The following INKA2 variants were observed in gnomAD, a reference collection of about 807,000 sequenced individuals.
The protein encoded by INKA2 is PAK4-inhibitor INKA2.
In INKA2, 3 loss-of-function variants were observed where a neutral mutation model predicts 9.8. The ratio of observed to expected loss-of-function variants is 0.31; its 90% CI spans 0.14 to 0.79. The LOEUF (loss-of-function observed/expected upper bound fraction) is 0.79. Among genes scored for constraint, INKA2 ranks in the 30% least tolerant of loss-of-function variants. The pLI is 0.62. For missense variants in INKA2, 392 were observed against 384.4 expected (o/e 1.02, Z -0.17); for synonymous variants, 147 against 143.3 (o/e 1.03, Z -0.18).
chr1:111,728,038 T>TACACACAC lies in INKA2; in HGVS notation c.58-242_58-235dup, dbSNP rs60867844. Reference sequence around the variant, plus strand: ...GTCCTGAGAAGGCTCCCCCACCCCATACACACACACACACACACACACACA... The same window carrying TACACACAC: ...GTCCTGAGAAGGCTCCCCCACCCCATACACACACACACACACACACACACACACACACA... On this transcript the variant is annotated intron_variant, in intron 1 of 1. Coordinates refer to ENST00000357260, the MANE Select transcript of INKA2 (RefSeq NM_019099.5). 6.5e-3 allele frequency among the ~76,000 whole-genome samples: 716 copies of TACACACAC among 109,496 alleles called. 7 individuals are homozygous for TACACACAC. Among genetic ancestry groups the TACACACAC allele is most frequent in the African/African-American group, 0.018 (577 of 31,452 alleles). 71.8% of individuals were successfully genotyped at this position (109,496 alleles called of 152,430 possible). A position where few individuals can be genotyped will look rare whatever the true frequency, so the allele number is the denominator to read the frequency against.
At position 111,731,346 on chromosome 1, in the gene INKA2, T is replaced by C. The variant is rs72692507; in HGVS notation, c.58-3542A>G. Among the ~76,000 whole-genome samples the C allele has an allele frequency of 4.9e-3, 750 of 152,274 alleles. 3 individuals are homozygous for C. Among genetic ancestry groups the C allele is most frequent in the South Asian group, 0.019 (90 of 4,822 alleles). Reference sequence around the variant, plus strand: ...AAGTTATTTACATTCTGTTTTTCAATTTCTCCATGCTTTTTTTTTTTTGAG... The same window carrying C: ...AAGTTATTTACATTCTGTTTTTCAACTTCTCCATGCTTTTTTTTTTTTGAG... On this transcript the variant is annotated intron_variant, in intron 1 of 1. Transcript: ENST00000357260.
intron 1 of INKA2, among the ~76,000 whole-genome samples, chr1:111,738,118 T>C (rs1476498903): frequency 6.6e-6 from 1 of 151,666 alleles, no homozygotes; most frequent in East Asian, 1.9e-4. Flanking sequence ...AGCAGAAAAG[T>C]GAGACTGAGA....
exon 1 of INKA2, chr1:111,755,753 T>A: frequency 2.5e-6 from 4 of 1,613,828 alleles, no homozygotes; most frequent in Non-Finnish European, 3.4e-6. Context: ...CAGGCCACAT[T>A]TTTTGTGTGT....
intron 1 of INKA2, among the ~76,000 whole-genome samples, chr1:111,731,966 CT>C (rs1662915207): frequency 6.6e-6 from 1 of 152,238 alleles, no homozygotes; most frequent in African/African-American, 2.4e-5. Flanking sequence ...TCTTGGCACC[CT>C]CCTGCCCACT....
chr1:111,723,287 A>T lies in INKA2; in HGVS notation c.*3681T>A, dbSNP rs1249092025. ...GATGGGGATGTGGAGAGGACAGAGC[A>T]ACCTTCTTTGGGGCAAGTTTGGGTT... is the stretch of plus-strand genomic sequence containing the variant. On this transcript the variant is annotated 3_prime_UTR_variant, in exon 2 of 2. Transcript: ENST00000357260. 8 of 530,224 alleles carry T rather than the reference A, an allele frequency of 1.5e-5. No homozygotes were observed. The South Asian group carries it at 2.0e-4, about 13-fold the overall frequency. 32.8% of individuals were successfully genotyped at this position (530,224 alleles called of 1,614,324 possible).
At chr1:111,729,482 C>T (rs1478776749) in intron 1 of INKA2, among the ~76,000 whole-genome samples, 1 of 152,178 alleles carries the variant, frequency 6.6e-6, no homozygotes, top group African/African-American at 2.4e-5. Context: ...GAGAGATTGA[C>T]TTGGGTGAGG....
Position 111,723,016 on chromosome 1 carries a change from A to G in INKA2, c.*3952T>C. 3 of 699,506 alleles carry G rather than the reference A, an allele frequency of 4.3e-6. No homozygotes were observed. Among genetic ancestry groups the G allele is most frequent in the South Asian group, 3.0e-5 (2 of 67,268 alleles). The allele number at this position is 699,506 out of a possible 1,614,324, so 43.3% of individuals were successfully genotyped here. On this transcript the variant is annotated 3_prime_UTR_variant, in exon 2 of 2. Coordinates refer to ENST00000357260, the MANE Select transcript of INKA2 (RefSeq NM_019099.5). Reference sequence around the variant, plus strand: ...ACAAGGTTCAGAGAGATCAAGCAACATGCTCAAGCTTCCACAGTGACAGAG... The same window carrying G: ...ACAAGGTTCAGAGAGATCAAGCAACGTGCTCAAGCTTCCACAGTGACAGAG...
At position 111,726,724 on chromosome 1, in the gene INKA2, C is replaced by T. The variant is rs1662778869; in HGVS notation, c.*244G>A. ...AGACACACACATGCACACACACACA[C>T]ACACACGCACAGCTCACTCTCCAGC... On this transcript the variant is annotated 3_prime_UTR_variant, in exon 2 of 2. Coordinates refer to ENST00000357260, the MANE Select transcript of INKA2 (RefSeq NM_019099.5). The T allele has an allele frequency of 3.6e-6, 2 of 560,124 alleles. No homozygotes were observed. The highest frequency in any genetic ancestry group is 6.4e-6 in the Non-Finnish European group (2 of 313,518). The allele number at this position is 560,124 out of a possible 1,614,324, so 34.7% of individuals were successfully genotyped here. A position where few individuals can be genotyped will look rare whatever the true frequency, so the allele number is the denominator to read the frequency against.
chr1:111,742,324 T>C (rs886749032), upstream of INKA2, among the ~76,000 whole-genome samples: 1 of 152,094 alleles, frequency 6.6e-6, no homozygotes, highest in African/African-American at 2.4e-5. Context: ...CAGTGACTCA[T>C]GCCTGTAATC....
At chr1:111,739,050 G>T in intron 1 of INKA2, 136 bp downstream of exon 1, 1 of 780,604 alleles carries the variant, frequency 1.3e-6, no homozygotes, top group Non-Finnish European at 2.2e-6. Context: ...TCTGCCTGCG[G>T]GCCCGCGTCC....
upstream of INKA2, among the ~76,000 whole-genome samples, chr1:111,740,798 C>T (rs1663128091): frequency 6.6e-6 from 1 of 151,808 alleles, no homozygotes. Context: ...CATGGAGAAA[C>T]CCCGTCTCCA....
chr1:111,744,906 A>C (rs1032337243), intron 1 of INKA2, among the ~76,000 whole-genome samples: 6 of 152,132 alleles, frequency 3.9e-5, no homozygotes, highest in African/African-American at 1.4e-4. Flanking sequence ...ACTGGGCTTC[A>C]AGATCAGGCT....
intron 1 of INKA2, chr1:111,746,567 G>C (rs752070131): frequency 2.0e-5 from 3 of 152,206 alleles, no homozygotes; most frequent in Non-Finnish European, 4.4e-5. Flanking sequence ...TTCTGACTTA[G>C]AATCATAGAA....
intron 1 of INKA2, among the ~76,000 whole-genome samples, chr1:111,730,473 C>T (rs1662881970): frequency 6.6e-6 from 1 of 152,192 alleles, no homozygotes; most frequent in Admixed American, 6.5e-5. Context: ...CCGCCAGACA[C>T]GTGAGCACCT....
Position 111,722,913 on chromosome 1 carries a change from AGTGCTTGGACCGTAG to A in INKA2, c.*4040_*4054del. On this transcript the variant is annotated 3_prime_UTR_variant, in exon 2 of 2. Transcript: ENST00000357260. ...GCTGAGCTTCTGCTGTATTCCAGGC[AGTGCTTGGACCGTAG>A]GTGCATTATGTCCTTTAAATCTCAC... 1 of 582,160 alleles carries A rather than the reference AGTGCTTGGACCGTAG, an allele frequency of 1.7e-6. No individual in the cohort carries two copies. The highest frequency in any genetic ancestry group is 3.1e-6 in the Non-Finnish European group (1 of 325,554). 36.1% of individuals were successfully genotyped at this position (582,160 alleles called of 1,614,324 possible).
At chr1:111,751,862 C>T (rs1663418845) in intron 1 of INKA2, among the ~76,000 whole-genome samples, 1 of 152,156 alleles carries the variant, frequency 6.6e-6, no homozygotes, top group Non-Finnish European at 1.5e-5. Flanking sequence ...TCCTTTCCCC[C>T]TTCCTCTATA....
chr1:111,738,673 C>T (rs961265035), intron 1 of INKA2, among the ~76,000 whole-genome samples: 17 of 152,164 alleles, frequency 1.1e-4, no homozygotes, highest in African/African-American at 4.1e-4. Context: ...GCTGGGGGCC[C>T]AGGGTGGTAC....
Position 111,727,679 on chromosome 1 carries a change from AC to A in INKA2, c.182del (p.Gly61ValfsTer56). The stretch of plus-strand genomic sequence containing the variant: ...GACCTTCAGGGCTGCCTGGCACAGG[AC>A]CCCCTCCAGAGATCTCCAGCTGTTC... The part of the protein sequence containing the change: ...ALEQLEISGG[G>X]PVPGSPEGPR... On this transcript the variant is annotated frameshift_variant, in exon 2 of 2. Transcript: ENST00000357260. LOFTEE classifies it low-confidence loss of function (END_TRUNC). 26 of 1,612,274 alleles carry A rather than the reference AC, an allele frequency of 1.6e-5. No homozygotes were observed. The highest frequency in any genetic ancestry group is 2.1e-5 in the Non-Finnish European group (25 of 1,179,100).
At chr1:111,736,200 T>C (rs1346454338) in intron 1 of INKA2, among the ~76,000 whole-genome samples, 1 of 152,176 alleles carries the variant, frequency 6.6e-6, no homozygotes, top group Admixed American at 6.5e-5. Context: ...TGAAGAAGTG[T>C]GTCAGCTGCT....
Sources: gnomAD v4.1 joint callset for allele counts (sites outside exome capture counted in the v4.1 genomes callset) on GRCh38, gnomAD v4.1.1 for gene constraint, MANE v1.5 for transcripts, NCBI Gene and HGNC (gene_info 2026-07-23, HGNC 2026-07-21) for gene names.